Variants in TJP1 observed in about 807,000 individuals in gnomAD.
TJP1 encodes tight junction protein 1, also known as tight junction protein ZO-1.
TJP1 carries 43 observed loss-of-function variants against 194.2 expected under a neutral mutation model. That is an observed-to-expected ratio of 0.22 (90% CI 0.17 to 0.29). The LOEUF (loss-of-function observed/expected upper bound fraction) is 0.29. TJP1 is among the 10% of genes least tolerant of loss of function. The pLI, the probability that TJP1 is intolerant of heterozygous loss-of-function variation, is 1.00. For synonymous variants in TJP1, 801 were observed against 779.0 expected, an observed-to-expected ratio of 1.03 and a Z score of -0.47; for missense variants, 1,971 against 2,185.7, an observed-to-expected ratio of 0.90 and a Z score of 1.96.
At chr15:29,821,975 G>C in intron 1 of TJP1, 27 bp downstream of exon 1, 1 of 1,292,828 alleles carries the variant, frequency 7.7e-7, no homozygotes, top group Non-Finnish European at 9.8e-7. Flanking sequence ...GGCCCGGTCT[G>C]GCCCTGGCGG....
At chr15:29,754,684 G>GT (rs1182454772) in intron 8 of TJP1, among the ~76,000 whole-genome samples, 1 of 152,122 alleles carries the variant, frequency 6.6e-6, no homozygotes, top group Non-Finnish European at 1.5e-5. Context: ...GACCAGAACT[G>GT]TTTTGGATTT....
At position 29,923,311 on chromosome 15, in the gene TJP1, C is replaced by G. The variant is rs960782117; in HGVS notation, c.306+32921G>C. Among the ~76,000 whole-genome samples, 138 of 152,250 alleles carry G rather than the reference C, an allele frequency of 9.1e-4. 1 individual carries two copies. The highest frequency in any genetic ancestry group is 3.1e-3 in the African/African-American group (130 of 41,568). ...GGTACATTCACAAAAATGACTACTG[C>G]TACAGTCACTGAAAATGTAAGGATG... On this transcript the variant is annotated intron_variant, in intron 2 of 28. Coordinates refer to the TJP1 transcript ENST00000356107.
intron 27 of TJP1, 80 bp from the exon 28 acceptor site, chr15:29,701,769 C>T (rs1414937114): frequency 2.3e-5 from 23 of 989,646 alleles, no homozygotes; most frequent in Admixed American, 1.6e-4. Flanking sequence ...AGGGCAAATA[C>T]GTATATTTAG....
At chr15:29,778,963 G>A (rs1288025094) in intron 2 of TJP1, among the ~76,000 whole-genome samples, 2 of 152,190 alleles carry the variant, frequency 1.3e-5, no homozygotes, top group Non-Finnish European at 2.9e-5. Context: ...ATTTAAAATC[G>A]AAGGCTAACC....
upstream of TJP1, chr15:29,822,512 G>A (rs997207883): frequency 1.0e-6 from 1 of 984,850 alleles, no homozygotes; most frequent in Non-Finnish European, 1.2e-6. Flanking sequence ...CGGCCCGGCG[G>A]GGGCGGGGCT....
At chr15:29,940,519 G>T (rs189011273) in intron 2 of TJP1, among the ~76,000 whole-genome samples, 6 of 152,246 alleles carry the variant, frequency 3.9e-5, no homozygotes, top group Middle Eastern at 3.4e-3. Flanking sequence ...GAACAGAATG[G>T]TATCTGTTTC....
chr15:29,808,324 CA>C (rs1657426787), intron 1 of TJP1, among the ~76,000 whole-genome samples: 1 of 152,096 alleles, frequency 6.6e-6, no homozygotes, highest in African/African-American at 2.4e-5. Context: ...GAAGTTGGGA[CA>C]GGGTTACCTT....
chr15:29,892,918 GTCTTAATA>G (rs2053359446), intron 2 of TJP1, among the ~76,000 whole-genome samples: 1 of 152,162 alleles, frequency 6.6e-6, no homozygotes, highest in East Asian at 1.9e-4. Context: ...CAATTTTTGA[GTCTTAATA>G]TCTAAAAAAT....
At chr15:29,956,875 C>T (rs1267643881) in intron 1 of TJP1, among the ~76,000 whole-genome samples, 1 of 147,500 alleles carries the variant, frequency 6.8e-6, no homozygotes, top group Non-Finnish European at 1.5e-5. Context: ...GAGTAAGACC[C>T]TGTCTCATTT....
At chr15:29,784,650 CAAAT>C (rs1007703235) in intron 2 of TJP1, among the ~76,000 whole-genome samples, 9 of 152,018 alleles carry the variant, frequency 5.9e-5, no homozygotes, top group African/African-American at 1.7e-4. Context: ...ACAAAAAACA[CAAAT>C]AAACCAGTCA....
Position 29,766,403 on chromosome 15 carries a change from C to A in TJP1, c.452G>T (p.Ser151Ile), listed in dbSNP as rs190027243. ...TCTATCCCTCGGCCAAATCTTCTCA[C>A]TCCTTCTGTTAACCACACCACTCCG... ...SGRSGVVNRR[S>I]EKIWPRDRSA... The change falls in exon 5 of 28, where the codon AGT becomes ATT. Residue 151 changes from serine (S) to isoleucine (I), a missense_variant. By Grantham distance (142) the Ser-to-Ile change is moderately radical. Transcript: ENST00000614355. 1.9e-6 allele frequency: 3 copies of A among 1,614,190 alleles called. No homozygotes were observed. In the Admixed American group the frequency reaches 5.0e-5, roughly 27 times the overall value.
chr15:29,777,955 T>G (rs1222713203), intron 2 of TJP1, among the ~76,000 whole-genome samples: 1 of 152,198 alleles, frequency 6.6e-6, no homozygotes, highest in African/African-American at 2.4e-5. Flanking sequence ...AATTACTCTA[T>G]GTAATTTTAC....
At chr15:29,945,382 A>C (rs928284995) in intron 2 of TJP1, among the ~76,000 whole-genome samples, 1 of 152,254 alleles carries the variant, frequency 6.6e-6, no homozygotes, top group African/African-American at 2.4e-5. Flanking sequence ...GACATAGCCA[A>C]GTCAGTTGGT....
chr15:29,754,696 G>A (rs746129049), intron 8 of TJP1, among the ~76,000 whole-genome samples: 19 of 152,214 alleles, frequency 1.2e-4, no homozygotes, highest in Non-Finnish European at 2.5e-4. Context: ...TTTGGATTTC[G>A]GATTTTGGAA....
chr15:29,755,737 T>C (rs1424087110), intron 8 of TJP1, among the ~76,000 whole-genome samples: 2 of 152,164 alleles, frequency 1.3e-5, no homozygotes, highest in African/African-American at 2.4e-5. Flanking sequence ...CCAAACACTT[T>C]AGAAAACAGT....
chr15:29,725,809 T>A (rs1468701592), intron 18 of TJP1, among the ~76,000 whole-genome samples: 1 of 152,196 alleles, frequency 6.6e-6, no homozygotes, highest in African/African-American at 2.4e-5. Flanking sequence ...TTAACAGGTG[T>A]TGAGTGAAAA....
chr15:29,821,066 T>G (rs1361247170), intron 1 of TJP1, among the ~76,000 whole-genome samples: 10 of 152,218 alleles, frequency 6.6e-5, no homozygotes, highest in African/African-American at 2.4e-4. Context: ...AAGGGGAGAT[T>G]TTTTACTCCT....
In TJP1 at chr15:29,945,732, C is replaced by T. The variant is rs561877090; in HGVS notation, c.306+10500G>A. ...AGGAAAGCTAGAAAGAACTATGAGGCAAGGAACGGAAATAGGAGTACCAGT... is the reference window on the plus strand; with the variant it reads ...AGGAAAGCTAGAAAGAACTATGAGGTAAGGAACGGAAATAGGAGTACCAGT... On this transcript the variant is annotated intron_variant, in intron 2 of 28. Transcript: ENST00000356107. Among the ~76,000 whole-genome samples, 11 of 152,048 alleles carry T rather than the reference C, an allele frequency of 7.2e-5. No homozygotes were observed. In the East Asian group the frequency reaches 2.1e-3, roughly 29 times the overall value.
chr15:29,926,957 A>C (rs569212635), intron 2 of TJP1, among the ~76,000 whole-genome samples: 1 of 151,932 alleles, frequency 6.6e-6, no homozygotes, highest in Admixed American at 6.5e-5. Flanking sequence ...GAAATTTAAA[A>C]AAACTCTAGA....
Sources: gnomAD v4.1 joint callset for allele counts (sites outside exome capture counted in the v4.1 genomes callset) on GRCh38, gnomAD v4.1.1 for gene constraint, MANE v1.5 for transcripts, NCBI Gene and HGNC (gene_info 2026-07-23, HGNC 2026-07-21) for gene names.